Variants in AMOT observed in about 807,000 individuals in gnomAD.
AMOT encodes angiomotin.
Under a neutral mutation model 67.0 loss-of-function variants are expected in AMOT, and 11 were observed. That is an observed-to-expected ratio of 0.16 (90% CI 0.10 to 0.27). AMOT has a LOEUF of 0.27. Among genes scored for constraint, AMOT ranks in the 10% least tolerant of loss-of-function variants. The pLI, the probability that AMOT is intolerant of heterozygous loss-of-function variation, is 1.00. For synonymous variants in AMOT, 326 were observed against 321.4 expected (o/e 1.01, Z -0.15); for missense variants, 753 against 852.0 (o/e 0.88, Z 1.45).
intron 4 of AMOT, among the ~76,000 whole-genome samples, chrX:112,820,284 T>C (rs1934678955): frequency 8.9e-6 from 1 of 111,804 alleles, no homozygotes. Context: ...ATGGGCTCTG[T>C]TGCTTTTGAG....
Position 112,775,192 on chromosome X carries a change from T to G in AMOT, c.*3375A>C, listed in dbSNP as rs1932912141. ...TGTCCTACTGATGATGGATGGCACT[T>G]GGAAGACATATTTCCAAGAATCGTG... On this transcript the variant is annotated 3_prime_UTR_variant, in exon 14 of 14. Transcript: ENST00000371959. 1 of 112,573 alleles carries G rather than the reference T, an allele frequency of 8.9e-6. No individual in the cohort carries two copies. Among genetic ancestry groups the G allele is most frequent in the South Asian group, 3.7e-4 (1 of 2,723 alleles). 9.3% of individuals were successfully genotyped at this position (112,573 alleles called of 1,213,427 possible).
chrX:112,794,923 A>C (rs1933747837), intron 8 of AMOT, among the ~76,000 whole-genome samples: 1 of 111,757 alleles, frequency 8.9e-6, no homozygotes, highest in Admixed American at 9.5e-5. Flanking sequence ...TCTAATGATC[A>C]CATCATTGTC....
intron 12 of AMOT, chrX:112,780,658 T>C: frequency 2.5e-6 from 1 of 401,634 alleles, no homozygotes; most frequent in Non-Finnish European, 4.3e-6. Context: ...TCAAGATTCT[T>C]GTCCTCTAAG....
intron 3 of AMOT, 72 bp from the exon 4 acceptor site, chrX:112,823,260 G>A: frequency 1.6e-6 from 1 of 615,972 alleles, no homozygotes; most frequent in South Asian, 3.4e-5. Context: ...AAAGAAAATG[G>A]ATATTGGAGG....
intron 10 of AMOT, among the ~76,000 whole-genome samples, chrX:112,790,038 A>G (rs1015191589): frequency 9.8e-6 from 1 of 102,490 alleles, no homozygotes; most frequent in African/African-American, 3.6e-5. Context: ...TCTCTCCCTT[A>G]CCAGATGAAA....
chrX:112,837,827 G>A (rs1935167980), intron 1 of AMOT, among the ~76,000 whole-genome samples: 1 of 111,584 alleles, frequency 9.0e-6, no homozygotes, highest in South Asian at 3.7e-4. Flanking sequence ...AAACAAATTG[G>A]TTTAGTCCCC....
At chrX:112,828,046 C>T (rs1249185233) in intron 2 of AMOT, among the ~76,000 whole-genome samples, 1 of 111,464 alleles carries the variant, frequency 9.0e-6, no homozygotes, top group Admixed American at 9.6e-5. Context: ...CACACACACA[C>T]ACATAACCTC....
intron 9 of AMOT, 65 bp downstream of exon 9, chrX:112,791,767 A>C: frequency 8.6e-7 from 1 of 1,164,138 alleles, no homozygotes; most frequent in Admixed American, 2.3e-5. Flanking sequence ...ACTGAAAAAT[A>C]AGCAACCAGG....
intron 10 of AMOT, among the ~76,000 whole-genome samples, chrX:112,786,153 TGAG>T (rs1038442323): frequency 4.5e-5 from 5 of 111,885 alleles, no homozygotes; most frequent in African/African-American, 1.6e-4. Flanking sequence ...GAAGGTAGGA[TGAG>T]AAGAAAGCAG....
intron 1 of AMOT, among the ~76,000 whole-genome samples, chrX:112,834,563 T>C (rs901003465): frequency 8.9e-6 from 1 of 111,794 alleles, no homozygotes; most frequent in African/African-American, 3.3e-5. Flanking sequence ...CTTTTGGGGG[T>C]ATTTAAGTTC....
chrX:112,837,394 T>C (rs1388072011), intron 1 of AMOT, among the ~76,000 whole-genome samples: 1 of 112,595 alleles, frequency 8.9e-6, no homozygotes, highest in Non-Finnish European at 1.9e-5. Flanking sequence ...TGAATTTTTA[T>C]ATATCAAGTC....
intron 10 of AMOT, among the ~76,000 whole-genome samples, chrX:112,786,262 T>C (rs998950666): frequency 5.4e-5 from 6 of 111,907 alleles, no homozygotes; most frequent in African/African-American, 1.9e-4. Context: ...TTTCTTTACT[T>C]CCTCCTTTCC....
chrX:112,815,903 G>A, intron 4 of AMOT, 26 bp from the exon 5 acceptor site: 1 of 1,152,003 alleles, frequency 8.7e-7, no homozygotes, highest in Non-Finnish European at 1.2e-6. Flanking sequence ...GGCAGGTGCG[G>A]GTTAATTTCT....
intron 1 of AMOT, among the ~76,000 whole-genome samples, chrX:112,832,979 G>A (rs1237406894): frequency 8.9e-6 from 1 of 112,124 alleles, no homozygotes; most frequent in Non-Finnish European, 1.9e-5. Context: ...CAGGGAACCT[G>A]CCTTGCCTGA....
At chrX:112,833,068 C>G (rs1441107759) in intron 1 of AMOT, among the ~76,000 whole-genome samples, 2 of 111,727 alleles carry the variant, frequency 1.8e-5, no homozygotes, top group Non-Finnish European at 3.8e-5. Flanking sequence ...ATCATATAAC[C>G]CAGCTAACTT....
intron 2 of AMOT, among the ~76,000 whole-genome samples, chrX:112,830,494 T>C (rs1934960580): frequency 8.9e-6 from 1 of 112,572 alleles, no homozygotes; most frequent in African/African-American, 3.2e-5. Flanking sequence ...GAAGTGAAAC[T>C]GATGGGTCAA....
chrX:112,810,539 T>C (rs1033576918), intron 6 of AMOT, among the ~76,000 whole-genome samples: 1 of 110,291 alleles, frequency 9.1e-6, no homozygotes. Context: ...CAAAACCCCA[T>C]CTCTACAAAT....
intron 7 of AMOT, among the ~76,000 whole-genome samples, chrX:112,806,555 G>A (rs900429517): frequency 2.7e-4 from 30 of 109,716 alleles, no homozygotes; most frequent in African/African-American, 1.3e-4. Flanking sequence ...TATAATGAGC[G>A]TTTAATAAAC....
intron 10 of AMOT, among the ~76,000 whole-genome samples, chrX:112,789,951 A>G (rs1933510344): frequency 9.3e-6 from 1 of 107,600 alleles, no homozygotes; most frequent in Non-Finnish European, 1.9e-5. Context: ...TATTTCCTCC[A>G]AAGGCCAATA....
Sources: gnomAD v4.1 joint callset for allele counts (sites outside exome capture counted in the v4.1 genomes callset) on GRCh38, gnomAD v4.1.1 for gene constraint, MANE v1.5 for transcripts, NCBI Gene and HGNC (gene_info 2026-07-23, HGNC 2026-07-21) for gene names.